Variants in HEPH observed in about 807,000 individuals in gnomAD.
The protein encoded by HEPH is hephaestin.
A neutral mutation model predicts 80.8 loss-of-function variants in HEPH; 69 were observed. The ratio of observed to expected loss-of-function variants is 0.85; its 90% CI spans 0.70 to 1.04. HEPH has a LOEUF of 1.04. HEPH is among the 50% of genes least tolerant of loss of function. The probability of loss-of-function intolerance (pLI) is 0.00; values close to 1 mark genes in which losing one functional copy is unlikely to be tolerated. For missense variants in HEPH, 1,115 were observed against 891.3 expected, an observed-to-expected ratio of 1.25 and a Z score of -3.20; for synonymous variants, 431 against 322.8, an observed-to-expected ratio of 1.34 and a Z score of -3.60.
intron 1 of HEPH, 73 bp downstream of exon 1, chrX:66,164,543 G>A: frequency 2.9e-6 from 2 of 684,320 alleles, no homozygotes; most frequent in Non-Finnish European, 3.5e-6. Context: ...ATTTAGCTGG[G>A]TTTAAGGGAG....
At chrX:66,260,428 T>C (rs1483143913) in intron 19 of HEPH, among the ~76,000 whole-genome samples, 166 bp downstream of exon 19, 6 of 111,462 alleles carry the variant, frequency 5.4e-5, no homozygotes, top group African/African-American at 1.6e-4. Context: ...CCAGTATTTC[T>C]AATCCTCCAT....
chrX:66,230,038 T>C (rs2090060223), intron 15 of HEPH, among the ~76,000 whole-genome samples: 1 of 101,963 alleles, frequency 9.8e-6, no homozygotes, highest in Admixed American at 1.1e-4. Context: ...TGGTTTTTTG[T>C]TCTTGCGATA....
chrX:66,263,105 G>T (rs2198869), intron 19 of HEPH, among the ~76,000 whole-genome samples: 68,280 of 110,364 alleles, frequency 0.62, 18,373 homozygotes, highest in East Asian at 1. Flanking sequence ...ACAATAACAA[G>T]AAATGATTGT....
chrX:66,175,914 G>T (rs2086784081), intron 4 of HEPH, among the ~76,000 whole-genome samples: 1 of 111,617 alleles, frequency 9.0e-6, no homozygotes, highest in Non-Finnish European at 1.9e-5. Flanking sequence ...AAGCTTTCTG[G>T]AGGAGTCTTT....
At chrX:66,238,646 G>A (rs1209982362) in intron 15 of HEPH, among the ~76,000 whole-genome samples, 3 of 111,656 alleles carry the variant, frequency 2.7e-5, no homozygotes, top group Non-Finnish European at 5.6e-5. Flanking sequence ...TTTTGTAGGT[G>A]ACCTGCCCTT....
chrX:66,250,133 G>A (rs1280211451), intron 15 of HEPH, among the ~76,000 whole-genome samples: 1 of 110,142 alleles, frequency 9.1e-6, no homozygotes, highest in African/African-American at 3.4e-5. Context: ...TTTTTTTGTT[G>A]GTTTACTTGT....
At chrX:66,200,235 G>T (rs1169442169) in intron 11 of HEPH, among the ~76,000 whole-genome samples, 1 of 75,020 alleles carries the variant, frequency 1.3e-5, no homozygotes, top group Non-Finnish European at 2.3e-5. Context: ...GGGAATAGGA[G>T]AGATTGGTGT....
At chrX:66,248,993 G>A (rs982897583) in intron 15 of HEPH, among the ~76,000 whole-genome samples, 2 of 111,603 alleles carry the variant, frequency 1.8e-5, no homozygotes, top group Non-Finnish European at 3.8e-5. Flanking sequence ...GGAGGTGGGT[G>A]TGCTGGTGTA....
At chrX:66,232,929 T>G (rs1006440266) in intron 15 of HEPH, among the ~76,000 whole-genome samples, 4 of 110,165 alleles carry the variant, frequency 3.6e-5, no homozygotes, top group African/African-American at 1.3e-4. Flanking sequence ...GCCCAATTAT[T>G]AAATATCTGG....
At chrX:66,206,734 G>A (rs2088800846) in intron 13 of HEPH, among the ~76,000 whole-genome samples, 1 of 109,954 alleles carries the variant, frequency 9.1e-6, no homozygotes, top group Non-Finnish European at 1.9e-5. Context: ...AAGAAATAGG[G>A]GCCAGGTGTG....
chrX:66,249,256 G>C (rs2090924815), intron 15 of HEPH, among the ~76,000 whole-genome samples: 1 of 111,450 alleles, frequency 9.0e-6, no homozygotes, highest in Non-Finnish European at 1.9e-5. Context: ...TTTCAGCTAT[G>C]ATGTGTGATC....
chrX:66,207,999 T>C, intron 14 of HEPH, 116 bp from the exon 15 acceptor site: 2 of 501,813 alleles, frequency 4.0e-6, no homozygotes, highest in Non-Finnish European at 6.2e-6. Flanking sequence ...GAAGGATGTT[T>C]TGTCAGGGTA....
chrX:66,233,697 A>G (rs2090247782), intron 15 of HEPH, among the ~76,000 whole-genome samples: 1 of 110,137 alleles, frequency 9.1e-6, no homozygotes, highest in Non-Finnish European at 1.9e-5. Context: ...GTCTTTCTCA[A>G]GGAAACATTA....
chrX:66,206,642 C>T (rs1432379870), intron 13 of HEPH, among the ~76,000 whole-genome samples: 1 of 109,320 alleles, frequency 9.1e-6, no homozygotes, highest in Non-Finnish European at 1.9e-5. Flanking sequence ...GCTGAGATTA[C>T]AGGTGTGAGC....
At chrX:66,229,279 T>C (rs2090022075) in intron 15 of HEPH, among the ~76,000 whole-genome samples, 1 of 112,181 alleles carries the variant, frequency 8.9e-6, no homozygotes, top group African/African-American at 3.2e-5. Flanking sequence ...ACAGAAAAAG[T>C]AATGAAATAG....
At position 66,222,268 on chromosome X, in the gene HEPH, A is replaced by C. The variant is rs760825597; in HGVS notation, c.2563+14022A>C. Among the ~76,000 whole-genome samples the C allele has an allele frequency of 2.7e-5, 3 of 112,907 alleles. No homozygotes were observed. In the South Asian group the frequency reaches 1.1e-3, roughly 41 times the overall value. On this transcript the variant is annotated intron_variant, in intron 15 of 20. Coordinates refer to ENST00000343002, the MANE Select transcript of HEPH (RefSeq NM_001367233.3). ...CCCGCAGGGTGCCAGACTTTGGGAT[A>C]CAGCAGAGAGAGCTTGGCATGACTT...
At position 66,236,143 on chromosome X, in the gene HEPH, T is replaced by A. The variant is rs763728219; in HGVS notation, c.2564-18892T>A. On this transcript the variant is annotated intron_variant, in intron 15 of 20. Coordinates refer to ENST00000343002, the MANE Select transcript of HEPH (RefSeq NM_001367233.3). ...GCTCTGGCCAGAACTTCCAATACTA[T>A]GTTGATTGGGAGTTGTGGGAGAGTG... Among the ~76,000 whole-genome samples, 227 of 111,561 alleles carry A rather than the reference T, an allele frequency of 2.0e-3. 1 individual carries two copies. The highest frequency in any genetic ancestry group is 7.2e-3 in the African/African-American group (220 of 30,700).
chrX:66,204,045 G>T (rs1379301181), intron 13 of HEPH, among the ~76,000 whole-genome samples: 1 of 112,022 alleles, frequency 8.9e-6, no homozygotes, highest in Non-Finnish European at 1.9e-5. Context: ...GCTGGCAGGT[G>T]AACCCTATCA....
chrX:66,219,968 T>C (rs1364203243), intron 15 of HEPH, among the ~76,000 whole-genome samples: 1 of 111,850 alleles, frequency 8.9e-6, no homozygotes, highest in Non-Finnish European at 1.9e-5. Context: ...GTGGCTGTTT[T>C]TGTAGTATTA....
Sources: gnomAD v4.1 joint callset for allele counts (sites outside exome capture counted in the v4.1 genomes callset) on GRCh38, gnomAD v4.1.1 for gene constraint, MANE v1.5 for transcripts, NCBI Gene and HGNC (gene_info 2026-07-23, HGNC 2026-07-21) for gene names.